MYO9A: variants seen among roughly 807,000 people sequenced by gnomAD.
The protein encoded by MYO9A is myosin IXA.
MYO9A carries 103 observed loss-of-function variants against 293.3 expected under a neutral mutation model. The ratio of observed to expected loss-of-function variants is 0.35; its 90% CI spans 0.30 to 0.41. The LOEUF (loss-of-function observed/expected upper bound fraction) is 0.41. Ranked by LOEUF, MYO9A falls within the 10% of genes least tolerant of loss-of-function variation. The pLI is 1.00. For synonymous variants in MYO9A, 1,001 were observed against 1,035.7 expected, an observed-to-expected ratio of 0.97 and a Z score of 0.64; for missense variants, 2,685 against 3,033.0, an observed-to-expected ratio of 0.89 and a Z score of 2.69.
chr15:71,844,715 G>A (rs2055309439), intron 39 of MYO9A, among the ~76,000 whole-genome samples: 1 of 152,150 alleles, frequency 6.6e-6, no homozygotes, highest in South Asian at 2.1e-4. Context: ...AATGCAAGAA[G>A]GAATGGCAAG....
At chr15:72,069,691 A>G (rs1467224580) in intron 1 of MYO9A, among the ~76,000 whole-genome samples, 2 of 152,202 alleles carry the variant, frequency 1.3e-5, no homozygotes, top group Non-Finnish European at 2.9e-5. Context: ...ATATAGGAGC[A>G]AAGTAAACAG....
At chr15:72,089,772 C>T (rs558830028) in intron 1 of MYO9A, among the ~76,000 whole-genome samples, 1 of 152,098 alleles carries the variant, frequency 6.6e-6, no homozygotes, top group Non-Finnish European at 1.5e-5. Flanking sequence ...CAGTGTGAGA[C>T]CCTCCTCAAA....
chr15:71,901,045 T>G, intron 23 of MYO9A, 146 bp downstream of exon 23: 1 of 712,944 alleles, frequency 1.4e-6, no homozygotes, highest in Non-Finnish European at 2.2e-6. Context: ...TTGGGTGTTA[T>G]GAGCACTTCA....
intron 26 of MYO9A, chr15:71,892,868 A>G (rs2057218915): frequency 2.7e-6 from 2 of 753,238 alleles, no homozygotes; most frequent in African/African-American, 3.7e-5. Flanking sequence ...TGCACAAACC[A>G]TTACATGGGA....
At chr15:72,037,276 A>C (rs945918185) in intron 2 of MYO9A, among the ~76,000 whole-genome samples, 5 of 151,764 alleles carry the variant, frequency 3.3e-5, no homozygotes, top group African/African-American at 9.7e-5. Flanking sequence ...AAAAAAAAAA[A>C]AAAAAACACC....
chr15:71,966,730 A>T (rs968174245), intron 13 of MYO9A, among the ~76,000 whole-genome samples: 3 of 152,070 alleles, frequency 2.0e-5, no homozygotes, highest in East Asian at 1.9e-4. Flanking sequence ...ACTTCAATTT[A>T]AAAAAAAGTG....
chr15:71,965,530 G>A (rs985688627), intron 13 of MYO9A, among the ~76,000 whole-genome samples: 4 of 152,160 alleles, frequency 2.6e-5, no homozygotes, highest in African/African-American at 4.8e-5. Context: ...TGGATCAACT[G>A]AGGTCAGATG....
intron 39 of MYO9A, among the ~76,000 whole-genome samples, chr15:71,836,766 C>T (rs2054958718): frequency 6.6e-6 from 1 of 151,976 alleles, no homozygotes; most frequent in African/African-American, 2.4e-5. Context: ...AGCAAAACTA[C>T]AGTGCTCAGG....
chr15:72,012,505 C>T (rs1323289863), intron 6 of MYO9A, among the ~76,000 whole-genome samples: 1 of 152,034 alleles, frequency 6.6e-6, no homozygotes, highest in Non-Finnish European at 1.5e-5. Flanking sequence ...ACCACATTGG[C>T]CAGGCTGGTC....
chr15:71,944,004 T>C (rs998544120), intron 15 of MYO9A, among the ~76,000 whole-genome samples: 10 of 152,146 alleles, frequency 6.6e-5, no homozygotes, highest in Non-Finnish European at 8.8e-5. Flanking sequence ...GAGCTCCAGT[T>C]GCTCCACATC....
chr15:72,077,415 G>A (rs2079387570), intron 1 of MYO9A, among the ~76,000 whole-genome samples: 1 of 151,974 alleles, frequency 6.6e-6, no homozygotes, highest in Non-Finnish European at 1.5e-5. Flanking sequence ...AAAGATGCCG[G>A]GCGCCATGGC....
chr15:72,066,947 T>C (rs954246223), intron 1 of MYO9A, among the ~76,000 whole-genome samples: 23 of 151,444 alleles, frequency 1.5e-4, no homozygotes, highest in African/African-American at 5.3e-4. Flanking sequence ...ATAAAAGAGA[T>C]TGGTTATTTG....
At chr15:72,048,245 C>A in intron 1 of MYO9A, among the ~76,000 whole-genome samples, 1 of 150,316 alleles carries the variant, frequency 6.7e-6, no homozygotes. Flanking sequence ...ACTAAAAATA[C>A]AAAATTAGCC....
At chr15:71,895,723 A>G (rs1000277570) in intron 25 of MYO9A, among the ~76,000 whole-genome samples, 4 of 152,078 alleles carry the variant, frequency 2.6e-5, no homozygotes, top group African/African-American at 7.2e-5. Flanking sequence ...AATTTTAAAG[A>G]TAAGTAGATC....
chr15:71,969,307 C>G (rs1205991368), intron 12 of MYO9A, among the ~76,000 whole-genome samples: 1 of 152,200 alleles, frequency 6.6e-6, no homozygotes, highest in African/African-American at 2.4e-5. Flanking sequence ...ATCTAGCTCA[C>G]TCCAAAACTT....
At chr15:71,989,843 T>C (rs943775289) in intron 11 of MYO9A, among the ~76,000 whole-genome samples, 4 of 151,918 alleles carry the variant, frequency 2.6e-5, no homozygotes, top group South Asian at 4.2e-4. Flanking sequence ...CTGGGCAACA[T>C]AGTGACACCT....
At position 71,826,016 on chromosome 15, in the gene MYO9A, T is replaced by G. The variant is rs1247640534; in HGVS notation, c.*564A>C. The G allele has an allele frequency of 4.3e-5, 6 of 139,570 alleles. 1 individual carries two copies. The highest frequency in any genetic ancestry group is 2.7e-5 in the African/African-American group (1 of 36,810). 8.6% of individuals were successfully genotyped at this position (139,570 alleles called of 1,614,324 possible). On this transcript the variant is annotated 3_prime_UTR_variant, in exon 42 of 42. Coordinates refer to ENST00000356056, the MANE Select transcript of MYO9A (RefSeq NM_006901.4). ...TTTTGTTTTTTTTTTTTTGTTTTTT[T>G]TTTTTGTTTTTGCTTTCCCCAGAAT...
At chr15:71,904,468 C>T (rs1183608475) in intron 20 of MYO9A, among the ~76,000 whole-genome samples, 2 of 152,220 alleles carry the variant, frequency 1.3e-5, no homozygotes, top group Non-Finnish European at 2.9e-5. Context: ...GCCTGGCCAA[C>T]ATGGCAAATC....
At chr15:72,071,558 T>C (rs961173052) in intron 1 of MYO9A, among the ~76,000 whole-genome samples, 1 of 152,042 alleles carries the variant, frequency 6.6e-6, no homozygotes. Context: ...CTGGCCAACA[T>C]GGTGAAACCC....
Sources: allele counts gnomAD v4.1 joint callset (sites outside exome capture counted in the v4.1 genomes callset), GRCh38; gene constraint gnomAD v4.1.1; transcripts MANE v1.5; gene names NCBI Gene and HGNC (gene_info 2026-07-23, HGNC 2026-07-21).